The following KCNH1 variants were observed in gnomAD, a reference collection of about 807,000 sequenced individuals.
KCNH1 encodes the protein voltage-gated delayed rectifier potassium channel KCNH1.
A neutral mutation model predicts 69.2 loss-of-function variants in KCNH1; 27 were observed. The ratio of observed to expected loss-of-function variants is 0.39; its 90% CI spans 0.29 to 0.54. The LOEUF (loss-of-function observed/expected upper bound fraction) is 0.54. Among genes scored for constraint, KCNH1 ranks in the 20% least tolerant of loss-of-function variants. KCNH1 has a pLI of 0.68. For synonymous variants in KCNH1, 456 were observed against 487.7 expected (o/e 0.93, Z 0.86); for missense variants, 798 against 1,261.6 (o/e 0.63, Z 5.57).
chr1:211,081,282 C>G (rs1690853442), intron 5 of KCNH1, among the ~76,000 whole-genome samples: 1 of 152,176 alleles, frequency 6.6e-6, no homozygotes, highest in South Asian at 2.1e-4. Context: ...CATCTCACAC[C>G]AGTTAGAATG....
intron 9 of KCNH1, among the ~76,000 whole-genome samples, chr1:210,778,305 C>T (rs1375003495): frequency 6.6e-6 from 1 of 152,070 alleles, no homozygotes; most frequent in Non-Finnish European, 1.5e-5. Flanking sequence ...AGCCAGAATA[C>T]ACAGAATCAT....
chr1:211,092,290 T>C (rs1691067169), intron 3 of KCNH1, among the ~76,000 whole-genome samples: 1 of 152,222 alleles, frequency 6.6e-6, no homozygotes, highest in Admixed American at 6.5e-5. Context: ...ACAACTCTGA[T>C]TAACATTAGG....
intron 6 of KCNH1, among the ~76,000 whole-genome samples, chr1:210,974,710 C>G (rs760730711): frequency 6.6e-6 from 1 of 151,820 alleles, no homozygotes; most frequent in South Asian, 2.1e-4. Flanking sequence ...ACTACAGGTG[C>G]GTGACACTAC....
intron 1 of KCNH1, among the ~76,000 whole-genome samples, chr1:211,108,926 T>C (rs1275166071): frequency 6.6e-6 from 1 of 152,062 alleles, no homozygotes; most frequent in Non-Finnish European, 1.5e-5. Flanking sequence ...TAAGAAATGG[T>C]CCCTGCACTC....
At chr1:211,098,222 G>A (rs114205637) in intron 3 of KCNH1, among the ~76,000 whole-genome samples, 1,876 of 151,850 alleles carry the variant, frequency 0.012, 46 homozygotes, top group African/African-American at 0.043. Context: ...TTGGGTGGCT[G>A]AGATGGGAGG....
chr1:210,811,424 C>T (rs781224317), intron 7 of KCNH1, among the ~76,000 whole-genome samples: 6 of 152,048 alleles, frequency 3.9e-5, no homozygotes, highest in Non-Finnish European at 7.4e-5. Flanking sequence ...TTCAGATTTC[C>T]CTTCTGTCAC....
At chr1:210,916,137 A>T (rs760023166) in intron 7 of KCNH1, among the ~76,000 whole-genome samples, 1 of 152,188 alleles carries the variant, frequency 6.6e-6, no homozygotes, top group Non-Finnish European at 1.5e-5. Flanking sequence ...CATGAGCTGT[A>T]CAGGAAGGAG....
chr1:211,127,425 CAA>C (rs11340722), intron 1 of KCNH1, among the ~76,000 whole-genome samples: 24,140 of 127,598 alleles, frequency 0.19, 2,489 homozygotes, highest in African/African-American at 0.31. Context: ...ACACACACAC[CAA>C]AAAAAAAAAA....
intron 6 of KCNH1, among the ~76,000 whole-genome samples, chr1:210,933,593 A>G (rs965041350): frequency 6.6e-5 from 10 of 152,292 alleles, no homozygotes; most frequent in Non-Finnish European, 1.5e-5. Flanking sequence ...GAATGAAATG[A>G]AAAGTTGGTT....
intron 5 of KCNH1, among the ~76,000 whole-genome samples, chr1:211,033,866 T>C (rs1245398518): frequency 1.3e-5 from 2 of 151,940 alleles, no homozygotes; most frequent in African/African-American, 4.8e-5. Context: ...TATACATATG[T>C]AACAAACCTG....
intron 9 of KCNH1, among the ~76,000 whole-genome samples, chr1:210,777,257 G>A (rs1683879969): frequency 6.6e-6 from 1 of 152,156 alleles, no homozygotes; most frequent in African/African-American, 2.4e-5. Flanking sequence ...AGATATCTGT[G>A]GGCACAGCCT....
chr1:210,867,708 C>T (rs1290298091), intron 7 of KCNH1, among the ~76,000 whole-genome samples: 3 of 151,988 alleles, frequency 2.0e-5, no homozygotes, highest in Non-Finnish European at 4.4e-5. Flanking sequence ...AATTGATCTA[C>T]TTTATGTCAT....
At chr1:210,825,640 G>A (rs1191053606) in intron 7 of KCNH1, among the ~76,000 whole-genome samples, 1 of 152,164 alleles carries the variant, frequency 6.6e-6, no homozygotes, top group African/African-American at 2.4e-5. Flanking sequence ...TTTGAGAACG[G>A]TTGCCCTGCA....
At chr1:210,997,226 G>A (rs1271636433) in intron 6 of KCNH1, among the ~76,000 whole-genome samples, 1 of 152,174 alleles carries the variant, frequency 6.6e-6, no homozygotes, top group Non-Finnish European at 1.5e-5. Flanking sequence ...GCTACAGGAG[G>A]AAATTCAAAC....
At chr1:210,694,798 C>T (rs1681602704) in intron 10 of KCNH1, among the ~76,000 whole-genome samples, 1 of 152,212 alleles carries the variant, frequency 6.6e-6, no homozygotes, top group Non-Finnish European at 1.5e-5. Context: ...CACAAGGAAA[C>T]AGCTCTGATC....
intron 7 of KCNH1, among the ~76,000 whole-genome samples, chr1:210,875,148 C>T (rs1686339740): frequency 6.6e-6 from 1 of 152,286 alleles, no homozygotes; most frequent in Middle Eastern, 3.4e-3. Flanking sequence ...TTTGATAAAA[C>T]TTTCATGAAT....
intron 3 of KCNH1, among the ~76,000 whole-genome samples, chr1:211,098,477 G>A (rs1056479521): frequency 5.9e-5 from 9 of 152,202 alleles, no homozygotes; most frequent in Admixed American, 5.9e-4. Flanking sequence ...CATATGTAAT[G>A]GTATCCCAAA....
intron 1 of KCNH1, among the ~76,000 whole-genome samples, chr1:211,114,211 G>A (rs1426664568): frequency 1.3e-5 from 2 of 152,062 alleles, no homozygotes; most frequent in Admixed American, 6.6e-5. Flanking sequence ...TCTCCATCCA[G>A]GGCTCTGAGG....
chr1:210,965,677 G>T (rs1394210806), intron 6 of KCNH1, among the ~76,000 whole-genome samples: 1 of 152,068 alleles, frequency 6.6e-6, no homozygotes, highest in Non-Finnish European at 1.5e-5. Context: ...ACTTACAAGG[G>T]ATGTGAAGGA....
Sources: gnomAD v4.1 joint callset for allele counts (sites outside exome capture counted in the v4.1 genomes callset) on GRCh38, gnomAD v4.1.1 for gene constraint, MANE v1.5 for transcripts, NCBI Gene and HGNC (gene_info 2026-07-23, HGNC 2026-07-21) for gene names.